SOX6: variants seen among roughly 807,000 people sequenced by gnomAD.
SOX6 encodes transcription factor SOX-6.
Under a neutral mutation model 97.8 loss-of-function variants are expected in SOX6, and 11 were observed. The ratio of observed to expected loss-of-function variants is 0.11; its 90% confidence interval spans 0.07 to 0.19. The LOEUF (loss-of-function observed/expected upper bound fraction) is 0.19, where lower values mean the gene tolerates loss of function less well. Among genes scored for constraint, SOX6 ranks in the 10% least tolerant of loss-of-function variants. The pLI, the probability that SOX6 is intolerant of heterozygous loss-of-function variation, is 1.00. For missense variants in SOX6, 810 were observed against 1,039.5 expected, an observed-to-expected ratio of 0.78 and a Z score of 3.04; for synonymous variants, 360 against 371.4, an observed-to-expected ratio of 0.97 and a Z score of 0.35.
intron 4 of SOX6, among the ~76,000 whole-genome samples, chr11:16,222,934 G>A (rs1292290543): frequency 1.3e-5 from 2 of 151,996 alleles, no homozygotes; most frequent in South Asian, 2.1e-4. Context: ...TATTCAAAAA[G>A]CAATGCATAA....
intron 3 of SOX6, among the ~76,000 whole-genome samples, chr11:16,678,186 T>C (rs897583159): frequency 1.3e-5 from 2 of 152,110 alleles, no homozygotes; most frequent in Non-Finnish European, 2.9e-5. Context: ...TTCCACATGG[T>C]TAGTTTGGGT....
intron 4 of SOX6, among the ~76,000 whole-genome samples, chr11:16,578,146 G>A (rs1848000242): frequency 6.6e-6 from 1 of 152,086 alleles, no homozygotes; most frequent in Non-Finnish European, 1.5e-5. Flanking sequence ...ATACCTAGTT[G>A]TCTTGGCACC....
chr11:16,583,614 C>CAT (rs534690651), intron 4 of SOX6, among the ~76,000 whole-genome samples: 1,201 of 104,536 alleles, frequency 0.011, 51 homozygotes, highest in East Asian at 0.028. Flanking sequence ...TATATATATA[C>CAT]ATATATATAT....
chr11:16,052,144 C>A (rs1304660765), intron 10 of SOX6, among the ~76,000 whole-genome samples: 1 of 151,958 alleles, frequency 6.6e-6, no homozygotes, highest in Non-Finnish European at 1.5e-5. Flanking sequence ...TAATTTTTTA[C>A]TTAGTTTTAT....
intron 12 of SOX6, among the ~76,000 whole-genome samples, chr11:16,034,928 G>A (rs1019835904): frequency 6.6e-5 from 10 of 152,108 alleles, no homozygotes; most frequent in African/African-American, 1.7e-4. Context: ...ATAGACAGAC[G>A]CACAGCAGGA....
intron 6 of SOX6, among the ~76,000 whole-genome samples, chr11:16,153,352 G>A (rs1385762069): frequency 6.6e-6 from 1 of 152,018 alleles, no homozygotes; most frequent in Non-Finnish European, 1.5e-5. Flanking sequence ...CTTGGGAAAG[G>A]GAAAAAATTT....
chr11:16,038,203 A>C (rs1346206427), intron 12 of SOX6, among the ~76,000 whole-genome samples: 1 of 152,172 alleles, frequency 6.6e-6, no homozygotes. Context: ...AGTCTTGAGC[A>C]TCCAGGAATT....
At chr11:16,026,433 G>A (rs907175686) in intron 12 of SOX6, among the ~76,000 whole-genome samples, 29 of 152,268 alleles carry the variant, frequency 1.9e-4, no homozygotes, top group African/African-American at 6.7e-4. Flanking sequence ...AGGGAAGGCA[G>A]GGAAAGGATG....
intron 6 of SOX6, among the ~76,000 whole-genome samples, chr11:16,113,392 T>A (rs1849274794): frequency 6.6e-6 from 1 of 152,218 alleles, no homozygotes; most frequent in Admixed American, 6.5e-5. Context: ...CCATTTTAGC[T>A]GAGGTAAGCC....
intron 4 of SOX6, among the ~76,000 whole-genome samples, chr11:16,527,878 T>A (rs1359734575): frequency 1.3e-5 from 2 of 152,160 alleles, no homozygotes; most frequent in Admixed American, 6.6e-5. Flanking sequence ...GGAGTCATTG[T>A]GACGGCAGCA....
chr11:16,388,580 T>C (rs950002508), intron 1 of SOX6, among the ~76,000 whole-genome samples: 4 of 152,140 alleles, frequency 2.6e-5, no homozygotes, highest in Admixed American at 2.6e-4. Context: ...TTCAGTTTCT[T>C]ATCTTGTGTC....
intron 1 of SOX6, among the ~76,000 whole-genome samples, chr11:16,465,123 C>T (rs1860004535): frequency 6.6e-6 from 1 of 152,116 alleles, no homozygotes; most frequent in Admixed American, 6.6e-5. Context: ...AACTCCAAGG[C>T]CCTCAAAGTT....
chr11:16,391,523 T>C (rs1298589968), intron 1 of SOX6, among the ~76,000 whole-genome samples: 1 of 152,146 alleles, frequency 6.6e-6, no homozygotes, highest in Non-Finnish European at 1.5e-5. Context: ...AGGTACAAAT[T>C]GATGTTTAGT....
Position 16,097,736 on chromosome 11 carries a change from T to C in SOX6, c.899-48A>G, listed in dbSNP as rs1207395970. ...CAGGTTTAGACAATGCACAGGGAAT[T>C]GCAGCAGACAAGTACAAACATGGTC... On this transcript the variant is annotated intron_variant, in intron 7 of 15. Coordinates refer to ENST00000683767, the MANE Select transcript of SOX6 (RefSeq NM_001367873.1). 2.6e-6 allele frequency: 4 copies of C among 1,519,062 alleles called. No individual in the cohort carries two copies. The Admixed American group carries it at 6.7e-5, about 26-fold the overall frequency. 94.1% of individuals were successfully genotyped at this position (1,519,062 alleles called of 1,614,324 possible). A position where few individuals can be genotyped will look rare whatever the true frequency, so the allele number is the denominator to read the frequency against.
rs1319172926 is a variant in SOX6, at chr11:16,584,401, C to T, written n.609+27680G>A. On this transcript the variant is annotated intron_variant and non_coding_transcript_variant, in intron 4 of 5. Coordinates refer to the SOX6 transcript ENST00000524520. ...GTAACAACTACCAAACCACTACCATCTCCTCCAGTATCATCATCTTGACAT... is the reference window on the plus strand; with the variant it reads ...GTAACAACTACCAAACCACTACCATTTCCTCCAGTATCATCATCTTGACAT... Among the ~76,000 whole-genome samples, 3 of 152,292 alleles carry T rather than the reference C, an allele frequency of 2.0e-5. No homozygotes were observed. The East Asian group carries it at 5.8e-4, about 29-fold the overall frequency.
chr11:16,571,614 T>C (rs1290519321), intron 4 of SOX6, among the ~76,000 whole-genome samples: 4 of 151,852 alleles, frequency 2.6e-5, no homozygotes, highest in African/African-American at 9.7e-5. Context: ...CAGTTTTTGT[T>C]TGTTTGTTTG....
At chr11:16,338,408 C>T (rs1856531140) in intron 2 of SOX6, among the ~76,000 whole-genome samples, 1 of 151,896 alleles carries the variant, frequency 6.6e-6, no homozygotes, top group Admixed American at 6.6e-5. Flanking sequence ...TGCCCAGAAA[C>T]TTAAAATCCT....
At chr11:16,559,883 TA>T (rs1847788959) in intron 4 of SOX6, among the ~76,000 whole-genome samples, 1 of 152,158 alleles carries the variant, frequency 6.6e-6, no homozygotes, top group Middle Eastern at 3.2e-3. Flanking sequence ...CCTAGCATAT[TA>T]ATGCACTATT....
In SOX6 at chr11:16,560,469, A is replaced by G. The variant is rs568586468; in HGVS notation, n.609+51612T>C. ...TGTTTATACGTACATATATGTTTAT[A>G]CGTACATATATGTTTATACGTACAT... On this transcript the variant is annotated intron_variant and non_coding_transcript_variant, in intron 4 of 5. Transcript: ENST00000524520. Among the ~76,000 whole-genome samples the G allele has an allele frequency of 1.0e-3, 153 of 150,496 alleles. 7 individuals are homozygous for G. Among genetic ancestry groups the G allele is most frequent in the African/African-American group, 3.7e-3 (149 of 40,678 alleles).
Sources: gnomAD v4.1 joint callset for allele counts (sites outside exome capture counted in the v4.1 genomes callset) on GRCh38, gnomAD v4.1.1 for gene constraint, MANE v1.5 for transcripts, NCBI Gene and HGNC (gene_info 2026-07-23, HGNC 2026-07-21) for gene names.